The following CFAP77 variants were observed in gnomAD, a reference collection of about 807,000 sequenced individuals.
CFAP77 encodes cilia- and flagella-associated protein 77.
CFAP77 carries 25 observed loss-of-function variants against 31.1 expected under a neutral mutation model. That is an observed-to-expected ratio of 0.80 (90% CI 0.59 to 1.12). The LOEUF is 1.12. CFAP77 is among the 50% of genes most tolerant of loss of function. The pLI, the probability that CFAP77 is intolerant of heterozygous loss-of-function variation, is 0.00. For synonymous variants in CFAP77, 151 were observed against 159.9 expected, an observed-to-expected ratio of 0.94 and a Z score of 0.42; for missense variants, 377 against 397.3, an observed-to-expected ratio of 0.95 and a Z score of 0.44.
At chr9:132,468,140 C>G (rs1007338655) in intron 1 of CFAP77, among the ~76,000 whole-genome samples, 2 of 151,920 alleles carry the variant, frequency 1.3e-5, no homozygotes, top group Admixed American at 6.6e-5. Context: ...GTCAGGAGTT[C>G]GAGACCAGCC....
rs149848255 is a variant in CFAP77, at chr9:132,459,828, C to T, written c.196-38867C>T. On this transcript the variant is annotated intron_variant, in intron 1 of 5. Transcript: ENST00000393216. ...GTGTGTATGTGTGTGTATGAGTGTGCGTATGTGTGGGAGTATTGTGAGTCT... is the reference window on the plus strand; with the variant it reads ...GTGTGTATGTGTGTGTATGAGTGTGTGTATGTGTGGGAGTATTGTGAGTCT... 8.9e-4 allele frequency among the ~76,000 whole-genome samples: 130 copies of T among 145,614 alleles called. No homozygotes were observed. The Middle Eastern group carries it at 0.02, about 22-fold the overall frequency.
At chr9:132,415,611 G>A (rs1371063373) in intron 1 of CFAP77, among the ~76,000 whole-genome samples, 1 of 152,232 alleles carries the variant, frequency 6.6e-6, no homozygotes, top group East Asian at 1.9e-4. Context: ...TGGCAGGAAG[G>A]CCGTTCCTCC....
At position 132,513,118 on chromosome 9, in the gene CFAP77, C is replaced by T. The variant is rs1852070460; in HGVS notation, c.524+13518C>T. 3.2e-5 allele frequency: 26 copies of T among 821,516 alleles called. No homozygotes were observed. In the East Asian group the frequency reaches 5.4e-4, roughly 17 times the overall value. 50.9% of individuals were successfully genotyped at this position (821,516 alleles called of 1,614,324 possible). ...GGCATGTAATGCATAATAATCACAT[C>T]GTGGAGAATGGGGTCTCCAGCTCCT... On this transcript the variant is annotated intron_variant, in intron 3 of 5. Transcript: ENST00000393216.
At position 132,529,539 on chromosome 9, in the gene CFAP77, A is replaced by T. The variant is rs1270734173; in HGVS notation, c.525-8062A>T. Among the ~76,000 whole-genome samples, 43 of 151,404 alleles carry T rather than the reference A, an allele frequency of 2.8e-4. 1 individual carries two copies. In the East Asian group the frequency reaches 8.4e-3, roughly 29 times the overall value. The stretch of plus-strand genomic sequence containing the variant: ...AAAAAACAAAAAAAAAACTAAACAC[A>T]TACTTGGCCGGGCACGGTGGCTCAC... On this transcript the variant is annotated intron_variant, in intron 3 of 5. Transcript: ENST00000393216.
At chr9:132,548,498 C>A (rs1459407526) in intron 5 of CFAP77, among the ~76,000 whole-genome samples, 1 of 152,172 alleles carries the variant, frequency 6.6e-6, no homozygotes, top group Non-Finnish European at 1.5e-5. Context: ...AACGCTCGCA[C>A]GCTGCTGGCC....
At chr9:132,442,178 A>G (rs1302150026) in intron 1 of CFAP77, among the ~76,000 whole-genome samples, 1 of 152,104 alleles carries the variant, frequency 6.6e-6, no homozygotes, top group African/African-American at 2.4e-5. Flanking sequence ...TGCAGTGGGG[A>G]TGGATTATAA....
At chr9:132,476,415 C>T (rs113282405) in intron 1 of CFAP77, among the ~76,000 whole-genome samples, 2,587 of 152,210 alleles carry the variant, frequency 0.017, 43 homozygotes, top group Middle Eastern at 0.041. Flanking sequence ...TCTTCAAGCT[C>T]TGATCTTCCA....
rs1852599357 is a variant in CFAP77 at position 132,539,236 on chromosome 9, A to G, written c.630+1530A>G. Among the ~76,000 whole-genome samples, 1 of 152,184 alleles carries G rather than the reference A, an allele frequency of 6.6e-6. No individual in the cohort carries two copies. The highest frequency in any genetic ancestry group is 6.5e-5 in the Admixed American group (1 of 15,282). ...AAAATCAGAATCACTCTATGTTCAC[A>G]CAGTACTTTATAGACTTCATCAAGG... On this transcript the variant is annotated intron_variant, in intron 4 of 5. Transcript: ENST00000393216. This position sits in a 1 kb window ranked among gnomAD's most constrained non-coding sequence, Gnocchi z 4.3.
intron 1 of CFAP77, among the ~76,000 whole-genome samples, chr9:132,470,397 C>G (rs934650981): frequency 3.9e-5 from 6 of 152,090 alleles, no homozygotes; most frequent in African/African-American, 1.4e-4. Flanking sequence ...AGGATGAGGA[C>G]CCAGGTGACA....
rs919056626 is a variant in CFAP77, at chr9:132,564,304, A to AT, written c.733-8078dup. Reference sequence around the variant, plus strand: ...TAGCACCAGTTCATTCCACATGAGGATTTTTTCATTGAAAGTAGAACAGAT... The same window carrying AT: ...TAGCACCAGTTCATTCCACATGAGGATTTTTTTCATTGAAAGTAGAACAGAT... On this transcript the variant is annotated intron_variant, in intron 5 of 5. Coordinates refer to ENST00000393216, the MANE Select transcript of CFAP77 (RefSeq NM_001282957.2). The surrounding 1 kb of genome is among the most constrained non-coding windows in gnomAD (Gnocchi z 4.6). Among the ~76,000 whole-genome samples, 2 of 152,280 alleles carry AT rather than the reference A, an allele frequency of 1.3e-5. No homozygotes were observed. The highest frequency in any genetic ancestry group is 4.1e-4 in the South Asian group (2 of 4,822).
At chr9:132,513,978 C>T (rs1645810514) in intron 3 of CFAP77, among the ~76,000 whole-genome samples, 1 of 125,804 alleles carries the variant, frequency 7.9e-6, no homozygotes. Context: ...CCTCCCGTGT[C>T]CCTGACCATG....
At chr9:132,469,663 T>A (rs1171371374) in intron 1 of CFAP77, among the ~76,000 whole-genome samples, 1 of 151,470 alleles carries the variant, frequency 6.6e-6, no homozygotes, top group Non-Finnish European at 1.5e-5. Flanking sequence ...CCCACCTTTT[T>A]AAAAAAAAAC....
At chr9:132,422,999 C>T (rs906528749) in intron 1 of CFAP77, among the ~76,000 whole-genome samples, 2 of 152,146 alleles carry the variant, frequency 1.3e-5, no homozygotes, top group African/African-American at 4.8e-5. Flanking sequence ...CGCCGCGCTC[C>T]GTATTTTCAC....
chr9:132,507,187 G>T (rs1014906883), intron 3 of CFAP77, among the ~76,000 whole-genome samples: 1 of 152,194 alleles, frequency 6.6e-6, no homozygotes, highest in South Asian at 2.1e-4. Flanking sequence ...CTTTCACCAC[G>T]CTGGATGCTC....
intron 1 of CFAP77, among the ~76,000 whole-genome samples, chr9:132,467,550 T>C (rs936939644): frequency 3.3e-5 from 5 of 152,244 alleles, no homozygotes; most frequent in African/African-American, 1.2e-4. Context: ...GGCTGAGTAA[T>C]ATTCCCTTGT....
At chr9:132,422,479 G>A (rs777979281) in intron 1 of CFAP77, among the ~76,000 whole-genome samples, 3 of 152,230 alleles carry the variant, frequency 2.0e-5, no homozygotes, top group Non-Finnish European at 4.4e-5. Context: ...AGGGGTCCTG[G>A]TCAGTGAAGA....
At chr9:132,485,984 T>TC (rs1336725780) in intron 1 of CFAP77, among the ~76,000 whole-genome samples, 3 of 73,234 alleles carry the variant, frequency 4.1e-5, no homozygotes, top group Non-Finnish European at 8.0e-5. Context: ...AACACACACC[T>TC]CATATATATA....
At chr9:132,430,076 G>T (rs878933782) in intron 1 of CFAP77, among the ~76,000 whole-genome samples, 2 of 152,014 alleles carry the variant, frequency 1.3e-5, no homozygotes, top group Admixed American at 1.3e-4. Flanking sequence ...GGCACTCCCT[G>T]GCTCCGTGGC....
At chr9:132,571,561 T>C (rs1223154333) in intron 5 of CFAP77, among the ~76,000 whole-genome samples, 1 of 152,222 alleles carries the variant, frequency 6.6e-6, no homozygotes, top group Non-Finnish European at 1.5e-5. Context: ...CACAGAGTTG[T>C]GTTCAATAAA....
Sources: allele counts gnomAD v4.1 joint callset (sites outside exome capture counted in the v4.1 genomes callset), GRCh38; gene constraint gnomAD v4.1.1; non-coding constraint Gnocchi (gnomAD v3.1); transcripts MANE v1.5; gene names NCBI Gene and HGNC (gene_info 2026-07-23, HGNC 2026-07-21).